The following ANTXR1 variants were observed in gnomAD, a reference collection of about 807,000 sequenced individuals.
ANTXR1 encodes the protein ANTXR cell adhesion molecule 1.
ANTXR1 carries 19 observed loss-of-function variants against 78.1 expected under a neutral mutation model. That is an observed-to-expected ratio of 0.24 (90% confidence interval 0.17 to 0.36). The LOEUF is 0.36. ANTXR1 is among the 10% of genes least tolerant of loss of function. The pLI is 1.00. For synonymous variants in ANTXR1, 273 were observed against 260.5 expected (o/e 1.05, Z -0.46); for missense variants, 518 against 718.6 (o/e 0.72, Z 3.19).
chr2:69,098,343 TTTTA>T (rs1268282638), intron 9 of ANTXR1, among the ~76,000 whole-genome samples: 1 of 152,244 alleles, frequency 6.6e-6, no homozygotes, highest in African/African-American at 2.4e-5. Context: ...AGTCCCTACA[TTTTA>T]TTTTTGATGT....
At chr2:69,073,613 T>G (rs1437800494) in intron 6 of ANTXR1, among the ~76,000 whole-genome samples, 1 of 152,256 alleles carries the variant, frequency 6.6e-6, no homozygotes, top group African/African-American at 2.4e-5. Context: ...TTCCTTTTTT[T>G]CTTTTTCTTT....
intron 17 of ANTXR1, among the ~76,000 whole-genome samples, chr2:69,194,567 A>G (rs777833098): frequency 2.9e-4 from 44 of 152,182 alleles, no homozygotes; most frequent in Non-Finnish European, 5.9e-4. Flanking sequence ...GAAATGCTCA[A>G]TCAGGATGGG....
At position 69,123,002 on chromosome 2, in the gene ANTXR1, A is replaced by T. The variant is rs779298533; in HGVS notation, c.803-15A>T. The T allele has an allele frequency of 5.0e-6, 8 of 1,613,358 alleles. No homozygotes were observed. The Admixed American group carries it at 1.3e-4, about 27-fold the overall frequency. On this transcript the variant is annotated splice_polypyrimidine_tract_variant and intron_variant, in intron 10 of 17. Transcript: ENST00000303714. ...TCACCTCCCTCTTCTTAATCCAGTG[A>T]TTTCCTTTTTGCAGATGAGAAGCCC...
intron 12 of ANTXR1, among the ~76,000 whole-genome samples, chr2:69,136,926 G>A (rs1278007804): frequency 1.3e-5 from 2 of 152,220 alleles, no homozygotes; most frequent in Non-Finnish European, 2.9e-5. Context: ...AGTCAATGCT[G>A]TCATGGGTTC....
At chr2:69,147,119 C>A (rs1673251921) in intron 12 of ANTXR1, among the ~76,000 whole-genome samples, 1 of 152,218 alleles carries the variant, frequency 6.6e-6, no homozygotes, top group East Asian at 1.9e-4. Flanking sequence ...CGGAGCCAGG[C>A]TCTATGGGGG....
intron 14 of ANTXR1, among the ~76,000 whole-genome samples, chr2:69,172,894 A>G (rs1298639809): frequency 6.6e-6 from 1 of 152,204 alleles, no homozygotes; most frequent in African/African-American, 2.4e-5. Flanking sequence ...TGGGTTAAGA[A>G]TCTTCTCAAG....
At chr2:69,194,479 A>G (rs1674616279) in intron 17 of ANTXR1, among the ~76,000 whole-genome samples, 1 of 152,230 alleles carries the variant, frequency 6.6e-6, no homozygotes, top group Non-Finnish European at 1.5e-5. Flanking sequence ...TATAAAGTAG[A>G]TGGCACGGAC....
chr2:69,211,464 C>G (rs577409957), intron 17 of ANTXR1, among the ~76,000 whole-genome samples: 5 of 152,216 alleles, frequency 3.3e-5, no homozygotes, highest in African/African-American at 4.8e-5. Context: ...CAAAGAACTA[C>G]ACTCCCTTAA....
intron 1 of ANTXR1, among the ~76,000 whole-genome samples, chr2:69,029,263 G>A (rs927699749): frequency 2.0e-5 from 3 of 149,652 alleles, no homozygotes; most frequent in African/African-American, 4.9e-5. Flanking sequence ...GAGAAAAGTA[G>A]GTCAAAGACT....
intron 17 of ANTXR1, among the ~76,000 whole-genome samples, chr2:69,228,585 A>G (rs1050983103): frequency 2.6e-5 from 4 of 152,226 alleles, no homozygotes; most frequent in Admixed American, 6.5e-5. Flanking sequence ...GATATTAACC[A>G]ATGGTGCTTT....
chr2:69,202,432 TAACA>T (rs1451659352), intron 17 of ANTXR1, among the ~76,000 whole-genome samples: 1 of 152,042 alleles, frequency 6.6e-6, no homozygotes, highest in Non-Finnish European at 1.5e-5. Context: ...GAGCAAAGCT[TAACA>T]AACAATGGGA....
chr2:69,148,165 C>T (rs1673279411), intron 12 of ANTXR1, among the ~76,000 whole-genome samples: 2 of 152,178 alleles, frequency 1.3e-5, no homozygotes, highest in African/African-American at 2.4e-5. Context: ...CTAAGGGTTC[C>T]CCTGGGCTCA....
intron 12 of ANTXR1, among the ~76,000 whole-genome samples, chr2:69,136,622 A>C (rs1322818444): frequency 6.6e-6 from 1 of 152,250 alleles, no homozygotes; most frequent in Non-Finnish European, 1.5e-5. Context: ...CTTGGAATGC[A>C]GCTAAGTGGT....
At chr2:69,233,796 T>C (rs1025393390) in intron 17 of ANTXR1, among the ~76,000 whole-genome samples, 4 of 151,974 alleles carry the variant, frequency 2.6e-5, no homozygotes, top group Admixed American at 6.5e-5. Context: ...GAAAATGTAA[T>C]AATAAGTAAA....
rs958863480 is a variant in ANTXR1, at chr2:69,245,651, CAG to C, written c.*168_*169del. ...AACAATCATGATCAGCTGAAAGAAA[CAG>C]ATATTTTAAATTGCCAGAAAACAAA... On this transcript the variant is annotated 3_prime_UTR_variant, in exon 18 of 18. Transcript: ENST00000303714. The C allele has an allele frequency of 4.1e-6, 4 of 984,910 alleles. No homozygotes were observed. Among genetic ancestry groups the C allele is most frequent in the Non-Finnish European group, 4.5e-6 (3 of 667,990 alleles). The allele number at this position is 984,910 out of a possible 1,614,324, so 61.0% of individuals were successfully genotyped here.
intron 6 of ANTXR1, among the ~76,000 whole-genome samples, chr2:69,074,092 C>A (rs780251103): frequency 1.3e-5 from 2 of 152,218 alleles, no homozygotes; most frequent in Non-Finnish European, 2.9e-5. Context: ...GAGTGAGATA[C>A]AGCTGCTGCC....
chr2:69,125,018 G>A (rs139248277), intron 12 of ANTXR1, among the ~76,000 whole-genome samples: 4 of 152,282 alleles, frequency 2.6e-5, no homozygotes, highest in East Asian at 1.9e-4. Context: ...CAGAAAGAAC[G>A]TCTTAGGGAG....
intron 16 of ANTXR1, among the ~76,000 whole-genome samples, chr2:69,189,968 C>T (rs1452504071): frequency 6.6e-6 from 1 of 152,096 alleles, no homozygotes; most frequent in East Asian, 1.9e-4. Context: ...GAGGACTGGG[C>T]TGAGTATAGA....
rs9989913 is a variant in ANTXR1, at chr2:69,211,012, G to A, written c.1434+17597G>A. On this transcript the variant is annotated intron_variant, in intron 17 of 17. Transcript: ENST00000303714. ...TGTTTGCCACTGGCAGTAAGATAAA[G>A]AAGAGAGAGATCTTGGGTGGAAGTG... Among the ~76,000 whole-genome samples the A allele has an allele frequency of 8.1e-3, 1,218 of 151,050 alleles. 18 individuals are homozygous for A. Among genetic ancestry groups the A allele is most frequent in the African/African-American group, 0.028 (1,159 of 41,094 alleles).
Sources: allele counts gnomAD v4.1 joint callset (sites outside exome capture counted in the v4.1 genomes callset), GRCh38; gene constraint gnomAD v4.1.1; transcripts MANE v1.5; gene names NCBI Gene and HGNC (gene_info 2026-07-23, HGNC 2026-07-21).